The following NKAIN3 variants were observed in gnomAD, a reference collection of about 807,000 sequenced individuals.
NKAIN3 encodes the protein sodium/potassium transporting ATPase interacting 3, also known as sodium/potassium-transporting ATPase subunit beta-1-interacting protein 3.
Under a neutral mutation model 30.2 loss-of-function variants are expected in NKAIN3, and 25 were observed. The ratio of observed to expected loss-of-function variants is 0.83; its 90% CI spans 0.60 to 1.16. The LOEUF is 1.16. Ranked by LOEUF, NKAIN3 falls within the 50% of genes most tolerant of loss-of-function variation. NKAIN3 has a pLI of 0.00. For missense variants in NKAIN3, 225 were observed against 254.1 expected (o/e 0.89, Z 0.78); for synonymous variants, 91 against 89.6 (o/e 1.02, Z -0.09).
chr8:62,725,612 C>A (rs1001610240), intron 3 of NKAIN3, among the ~76,000 whole-genome samples: 1 of 152,094 alleles, frequency 6.6e-6, no homozygotes, highest in African/African-American at 2.4e-5. Flanking sequence ...AGAGACTATT[C>A]TTTCTCCAAT....
chr8:62,573,591 A>G (rs1193102138), intron 1 of NKAIN3, among the ~76,000 whole-genome samples: 1 of 151,984 alleles, frequency 6.6e-6, no homozygotes, highest in Non-Finnish European at 1.5e-5. Flanking sequence ...ACTTTTTAAT[A>G]CAAGATATTT....
chr8:62,649,505 A>T (rs570881689), intron 3 of NKAIN3, among the ~76,000 whole-genome samples: 1 of 152,156 alleles, frequency 6.6e-6, no homozygotes, highest in Admixed American at 6.5e-5. Flanking sequence ...AGCCAAGTAG[A>T]GTTGTTTTTC....
intron 4 of NKAIN3, among the ~76,000 whole-genome samples, chr8:62,849,701 G>A (rs867729065): frequency 6.8e-5 from 10 of 146,868 alleles, no homozygotes; most frequent in South Asian, 2.2e-4. Flanking sequence ...GAGAACATGC[G>A]GTGTTTGGTT....
chr8:62,819,571 C>G (rs906556646), intron 4 of NKAIN3, among the ~76,000 whole-genome samples: 1 of 152,030 alleles, frequency 6.6e-6, no homozygotes, highest in Non-Finnish European at 1.5e-5. Flanking sequence ...ATATTTTCTT[C>G]TCAGTCATAG....
rs149365435 is a variant in NKAIN3 at position 62,274,125 on chromosome 8, A to G, written c.54+24998A>G. On this transcript the variant is annotated intron_variant, in intron 1 of 6. Coordinates refer to ENST00000623646, the MANE Select transcript of NKAIN3 (RefSeq NM_001304533.3). ...TGGCTGGAGAGTGGAAGTTAGTCCA[A>G]TGAGCTCTTTATCTGCATGAGAAAT... is the stretch of plus-strand genomic sequence containing the variant. Among the ~76,000 whole-genome samples the G allele has an allele frequency of 5.4e-3, 826 of 152,326 alleles. 6 individuals are homozygous for G. Among genetic ancestry groups the G allele is most frequent in the Middle Eastern group, 6.8e-3 (2 of 294 alleles).
intron 1 of NKAIN3, among the ~76,000 whole-genome samples, chr8:62,557,829 T>A (rs1427449585): frequency 6.6e-6 from 1 of 152,204 alleles, no homozygotes; most frequent in Non-Finnish European, 1.5e-5. Context: ...ATGTATAGAT[T>A]GTGAATATTT....
intron 1 of NKAIN3, among the ~76,000 whole-genome samples, chr8:62,511,718 A>T (rs569781147): frequency 2.4e-4 from 36 of 152,108 alleles, no homozygotes; most frequent in African/African-American, 8.7e-4. Flanking sequence ...CATGCCATCT[A>T]CCTTCCTCCA....
At chr8:62,753,879 T>C (rs537877119) in intron 4 of NKAIN3, among the ~76,000 whole-genome samples, 1 of 152,204 alleles carries the variant, frequency 6.6e-6, no homozygotes, top group Non-Finnish European at 1.5e-5. Flanking sequence ...ATTAAAGACA[T>C]GGTATAACAA....
chr8:62,331,689 A>G (rs1047057471), intron 1 of NKAIN3, among the ~76,000 whole-genome samples: 8 of 152,138 alleles, frequency 5.3e-5, no homozygotes, highest in Non-Finnish European at 1.2e-4. Context: ...TATTAGATAC[A>G]CTGGAAAGTG....
chr8:62,686,233 G>A (rs1372532183), intron 3 of NKAIN3, among the ~76,000 whole-genome samples: 1 of 152,162 alleles, frequency 6.6e-6, no homozygotes, highest in Non-Finnish European at 1.5e-5. Context: ...TCTTTGTTCA[G>A]AGGTACAAGG....
intron 1 of NKAIN3, among the ~76,000 whole-genome samples, chr8:62,281,636 A>C (rs1279122010): frequency 6.6e-6 from 1 of 152,186 alleles, no homozygotes; most frequent in Non-Finnish European, 1.5e-5. Flanking sequence ...TCATGTACCC[A>C]GTAGTCATTC....
chr8:62,908,924 G>C (rs1421441623), intron 4 of NKAIN3, among the ~76,000 whole-genome samples: 5 of 152,148 alleles, frequency 3.3e-5, no homozygotes, highest in African/African-American at 1.2e-4. Context: ...AGTGACTGGG[G>C]AGTTATGTTG....
At chr8:62,338,786 G>A (rs529644546) in intron 1 of NKAIN3, among the ~76,000 whole-genome samples, 28 of 152,092 alleles carry the variant, frequency 1.8e-4, no homozygotes, top group African/African-American at 6.0e-4. Context: ...GACTAGGTCA[G>A]TCTAGTCTTT....
chr8:62,870,262 CTATATATAGATATA>C (rs1563603997), intron 4 of NKAIN3, among the ~76,000 whole-genome samples: 1 of 79,318 alleles, frequency 1.3e-5, no homozygotes, highest in African/African-American at 4.0e-5. Flanking sequence ...ATATATATAT[CTATATATAGATATA>C]TATAAATATC....
At chr8:62,404,491 A>G (rs191313615) in intron 1 of NKAIN3, among the ~76,000 whole-genome samples, 6 of 152,092 alleles carry the variant, frequency 3.9e-5, no homozygotes, top group Non-Finnish European at 8.8e-5. Flanking sequence ...TCTCATGATA[A>G]TGAGTAAGTT....
chr8:62,992,506 T>C (rs1404934755), intron 5 of NKAIN3, among the ~76,000 whole-genome samples: 1 of 152,030 alleles, frequency 6.6e-6, no homozygotes, highest in Non-Finnish European at 1.5e-5. Flanking sequence ...GCCTGTCCCA[T>C]TGGGTTGCTA....
At chr8:62,696,380 A>G (rs1027446250) in intron 3 of NKAIN3, among the ~76,000 whole-genome samples, 1 of 152,204 alleles carries the variant, frequency 6.6e-6, no homozygotes, top group Admixed American at 6.5e-5. Flanking sequence ...TTTCATATCT[A>G]TAGGCAACAT....
intron 5 of NKAIN3, among the ~76,000 whole-genome samples, chr8:62,920,528 T>G (rs1043741541): frequency 2.6e-5 from 4 of 152,348 alleles, no homozygotes; most frequent in African/African-American, 7.2e-5. Flanking sequence ...TCTATTAGCC[T>G]TCTTTTCAGT....
At chr8:62,707,065 AC>A (rs1814550303) in intron 3 of NKAIN3, among the ~76,000 whole-genome samples, 2 of 151,414 alleles carry the variant, frequency 1.3e-5, no homozygotes, top group Non-Finnish European at 3.0e-5. Context: ...ATACACACAC[AC>A]ACACACACAC....
Sources: allele counts gnomAD v4.1 joint callset (sites outside exome capture counted in the v4.1 genomes callset), GRCh38; gene constraint gnomAD v4.1.1; transcripts MANE v1.5; gene names NCBI Gene and HGNC (gene_info 2026-07-23, HGNC 2026-07-21).